Variants in HEATR4 observed in about 807,000 individuals in gnomAD.
HEATR4 encodes HEAT repeat containing 4.
In HEATR4, 95 loss-of-function variants were observed where a neutral mutation model predicts 108.8. The observed-to-expected ratio is 0.87, with a 90% CI of 0.74 to 1.04. The LOEUF (loss-of-function observed/expected upper bound fraction) is 1.04, where lower values mean the gene tolerates loss of function less well. Ranked by LOEUF, HEATR4 falls within the 50% of genes least tolerant of loss-of-function variation. The pLI is 0.00. For missense variants in HEATR4, 1,152 were observed against 1,253.8 expected, an observed-to-expected ratio of 0.92 and a Z score of 1.23; for synonymous variants, 443 against 459.4, an observed-to-expected ratio of 0.96 and a Z score of 0.46.
At position 73,544,977 on chromosome 14, in the gene HEATR4, T is replaced by C. The variant is rs1166847371; in HGVS notation, c.-152+13774A>G. ...CAATATTTATATCACTTGATATAAA[T>C]AGTTACACAATAAACTTGATTTTTT... On this transcript the variant is annotated intron_variant, in intron 1 of 17. Coordinates refer to ENST00000553558, the MANE Select transcript of HEATR4 (RefSeq NM_001220484.1). Among the ~76,000 whole-genome samples, 19 of 112,688 alleles carry C rather than the reference T, an allele frequency of 1.7e-4. 7 individuals carry two copies. Among genetic ancestry groups the C allele is most frequent in the Non-Finnish European group, 3.5e-4 (18 of 52,056 alleles). The allele number at this position is 112,688 out of a possible 152,430, so 73.9% of individuals were successfully genotyped here. A position where few individuals can be genotyped will look rare whatever the true frequency, so the allele number is the denominator to read the frequency against.
chr14:73,603,204 C>T, the HEATR4 span, among the ~76,000 whole-genome samples: 1 of 152,190 alleles, frequency 6.6e-6, no homozygotes, highest in Non-Finnish European at 1.5e-5. Context: ...CCTTACCAAG[C>T]TGTAAAGCAG....
chr14:73,552,248 G>A lies in HEATR4; in HGVS notation c.-152+6503C>T, dbSNP rs1595162045. ...GTACAGATTCGCCACCAGTAACTCA[G>A]ACACCTTCCACTGGTAACAACCCCA... On this transcript the variant is annotated intron_variant, in intron 1 of 17. Coordinates refer to ENST00000553558, the MANE Select transcript of HEATR4 (RefSeq NM_001220484.1). Among the ~76,000 whole-genome samples the A allele has an allele frequency of 2.0e-5, 2 of 101,106 alleles. 1 individual carries two copies. The highest frequency in any genetic ancestry group is 2.2e-4 in the Admixed American group (2 of 9,020). 66.3% of individuals were successfully genotyped at this position (101,106 alleles called of 152,430 possible).
At chr14:73,494,013 A>G (rs1166091091) in intron 16 of HEATR4, among the ~76,000 whole-genome samples, 4 of 152,192 alleles carry the variant, frequency 2.6e-5, no homozygotes, top group African/African-American at 4.8e-5. Context: ...GCTTACATCC[A>G]TGGCTGGCAC....
chr14:73,593,910 C>T, the HEATR4 span: 1 of 1,603,200 alleles, frequency 6.2e-7, no homozygotes, highest in Non-Finnish European at 8.5e-7. Context: ...CCCAGGTTCT[C>T]CTCATGTCCT....
the HEATR4 span, chr14:73,592,413 C>A: frequency 6.6e-7 from 1 of 1,515,652 alleles, no homozygotes; most frequent in Non-Finnish European, 8.8e-7. Flanking sequence ...CTTCCTGCCG[C>A]CAGGTGAGCC....
At chr14:73,603,741 CTT>C in the HEATR4 span, among the ~76,000 whole-genome samples, 2 of 113,250 alleles carry the variant, frequency 1.8e-5, no homozygotes. Context: ...CTTTTCTTTT[CTT>C]TTTTTTTTTT....
At chr14:73,627,293 C>T in the HEATR4 span, among the ~76,000 whole-genome samples, 1 of 152,030 alleles carries the variant, frequency 6.6e-6, no homozygotes, top group African/African-American at 2.4e-5. Context: ...GGCAGGCAAA[C>T]AGTTCTGCAG....
chr14:73,548,381 C>T lies in HEATR4; in HGVS notation c.-152+10370G>A, dbSNP rs1228388938. Among the ~76,000 whole-genome samples the T allele has an allele frequency of 3.5e-5, 4 of 114,766 alleles. 1 individual carries two copies. The highest frequency in any genetic ancestry group is 7.6e-5 in the Non-Finnish European group (4 of 52,618). The allele number at this position is 114,766 out of a possible 152,430, so 75.3% of individuals were successfully genotyped here. ...AGAGTTTGGAGTGCAGAAGAGGCAG[C>T]GGAACTAGGAGTTGTCGGGTGGCGT... On this transcript the variant is annotated intron_variant, in intron 1 of 17. Coordinates refer to ENST00000553558, the MANE Select transcript of HEATR4 (RefSeq NM_001220484.1).
the HEATR4 span, among the ~76,000 whole-genome samples, chr14:73,602,349 C>T: frequency 3.7e-4 from 56 of 152,260 alleles, no homozygotes; most frequent in African/African-American, 1.3e-3. Flanking sequence ...TGGGCAAACT[C>T]GCTTCTGTGC....
At chr14:73,619,241 G>A in the HEATR4 span, 32 of 1,580,814 alleles carry the variant, frequency 2.0e-5, no homozygotes, top group African/African-American at 1.4e-4. Context: ...CAGGTGAAAG[G>A]TCCTAGTATT....
At chr14:73,598,613 T>C in the HEATR4 span, among the ~76,000 whole-genome samples, 1 of 152,124 alleles carries the variant, frequency 6.6e-6, no homozygotes, top group Non-Finnish European at 1.5e-5. Flanking sequence ...ATGCCTGTAA[T>C]CCCAGCACTT....
rs762763576 is a variant in HEATR4, at chr14:73,508,273, G to A, written c.1742C>T (p.Ala581Val). Reference sequence around the variant, plus strand: ...TTCCAGAGCCAAGCACTGAGCTGCAGCCCAGCTATCCACACTGTTACCTGC... The same window carrying A: ...TTCCAGAGCCAAGCACTGAGCTGCAACCCAGCTATCCACACTGTTACCTGC... ...LLKGNSVDSWAAAQCLALEGT... is the reference protein window; with the variant it reads ...LLKGNSVDSWVAAQCLALEGT... Residue 581 changes from alanine (A) to valine (V), a missense_variant, in exon 9 of 18, where the codon GCT becomes GTT. By Grantham distance (64) the Ala-to-Val change is moderately conservative. Transcript: ENST00000553558. The A allele has an allele frequency of 1.2e-6, 2 of 1,613,890 alleles. No homozygotes were observed. Among genetic ancestry groups the A allele is most frequent in the South Asian group, 1.1e-5 (1 of 91,072 alleles).
rs1889302028 is a variant in HEATR4 at position 73,550,505 on chromosome 14, A to G, written c.-152+8246T>C. 1.8e-5 allele frequency among the ~76,000 whole-genome samples: 2 copies of G among 113,954 alleles called. 1 individual carries two copies. The highest frequency in any genetic ancestry group is 2.0e-4 in the Admixed American group (2 of 10,142). The allele number at this position is 113,954 out of a possible 152,430, so 74.8% of individuals were successfully genotyped here. On this transcript the variant is annotated intron_variant, in intron 1 of 17. Transcript: ENST00000553558. Reference sequence around the variant, plus strand: ...GAACAAGCATGTACAGCTACTGTGCATGTGCACACAGAAGACCACCCGGAA... The same window carrying G: ...GAACAAGCATGTACAGCTACTGTGCGTGTGCACACAGAAGACCACCCGGAA...
chr14:73,491,747 A>G, intron 17 of HEATR4: 2 of 1,557,090 alleles, frequency 1.3e-6, no homozygotes, highest in Non-Finnish European at 1.7e-6. Flanking sequence ...ACTTTTCTCT[A>G]CCGCTGACCT....
the HEATR4 span, chr14:73,592,492 C>T: frequency 3.9e-5 from 55 of 1,414,412 alleles, no homozygotes; most frequent in South Asian, 5.1e-4. Context: ...TGATTTAGCA[C>T]TGGTTTGGTT....
chr14:73,582,343 T>C, the HEATR4 span: 2 of 150,854 alleles, frequency 1.3e-5, no homozygotes, highest in African/African-American at 2.5e-5. Context: ...ACTGGAACAT[T>C]ATAAAACGTT....
the HEATR4 span, among the ~76,000 whole-genome samples, chr14:73,629,221 GT>G: frequency 6.6e-6 from 1 of 152,148 alleles, no homozygotes; most frequent in Non-Finnish European, 1.5e-5. Flanking sequence ...GCAGAGGTGT[GT>G]TTTTTCATTA....
Position 73,522,278 on chromosome 14 carries a change from T to C in HEATR4, c.875A>G (p.Tyr292Cys), listed in dbSNP as rs147370028. ...KKKPELLLPV[Y>C]YRLPSYFQQA... ...GAGGCCCTGGCCAGTATACCTGTAG[T>C]AAACGGGAAGCAGCAGTTCTGGCTT... is the stretch of plus-strand genomic sequence containing the variant. The change falls in exon 3 of 18, where the codon TAC (tyrosine) becomes TGC (cysteine). Residue 292 changes from tyrosine to cysteine, a missense_variant. Physicochemically the swap from Tyr to Cys is radical, Grantham distance 194. Transcript: ENST00000553558. 17 of 1,613,608 alleles carry C rather than the reference T, an allele frequency of 1.1e-5. No individual in the cohort carries two copies. Among genetic ancestry groups the C allele is most frequent in the Non-Finnish European group, 1.4e-5 (17 of 1,179,830 alleles).
intron 8 of HEATR4, 137 bp from the exon 9 acceptor site, chr14:73,508,431 AT>A (rs1886988609): frequency 1.4e-6 from 1 of 708,262 alleles, no homozygotes; most frequent in African/African-American, 1.8e-5. Flanking sequence ...TAGAAATACA[AT>A]TTCTTATTTA....
Sources: gnomAD v4.1 joint callset for allele counts (sites outside exome capture counted in the v4.1 genomes callset) on GRCh38, gnomAD v4.1.1 for gene constraint, MANE v1.5 for transcripts, NCBI Gene and HGNC (gene_info 2026-07-23, HGNC 2026-07-21) for gene names.